Variants in CDH13 observed in about 807,000 individuals in gnomAD.
CDH13 encodes the protein cadherin 13.
In CDH13, 24 loss-of-function variants were observed where a neutral mutation model predicts 63.8. The observed-to-expected ratio is 0.38, with a 90% CI of 0.27 to 0.53. The LOEUF is 0.53. Ranked by LOEUF, CDH13 falls within the 20% of genes least tolerant of loss-of-function variation. CDH13 has a pLI of 0.85. For missense variants in CDH13, 1,049 were observed against 903.1 expected (o/e 1.16, Z -2.07); for synonymous variants, 503 against 355.3 (o/e 1.42, Z -4.67).
chr16:82,867,626 T>C (rs1279664288), intron 2 of CDH13, among the ~76,000 whole-genome samples: 2 of 152,188 alleles, frequency 1.3e-5, no homozygotes, highest in Admixed American at 6.5e-5. Context: ...GTACTTAACA[T>C]ACATGAGTCA....
intron 3 of CDH13, among the ~76,000 whole-genome samples, chr16:83,123,362 C>T (rs2035671384): frequency 6.6e-6 from 1 of 152,178 alleles, no homozygotes; most frequent in Non-Finnish European, 1.5e-5. Flanking sequence ...TCACTGCAAC[C>T]TCTGACTCTT....
At chr16:82,771,586 T>A (rs980067698) in intron 1 of CDH13, among the ~76,000 whole-genome samples, 4 of 152,170 alleles carry the variant, frequency 2.6e-5, no homozygotes, top group Non-Finnish European at 5.9e-5. Context: ...CTCGGAGAGT[T>A]TCAGTAACTT....
intron 1 of CDH13, among the ~76,000 whole-genome samples, chr16:82,678,307 A>C (rs1215931066): frequency 7.5e-6 from 1 of 133,504 alleles, no homozygotes; most frequent in Non-Finnish European, 1.6e-5. Context: ...AATGCATGGC[A>C]TACAGAAAAA....
intron 8 of CDH13, among the ~76,000 whole-genome samples, chr16:83,645,033 C>G (rs865961116): frequency 6.6e-6 from 1 of 152,200 alleles, no homozygotes; most frequent in Non-Finnish European, 1.5e-5. Context: ...TCCTTCTATG[C>G]TCACATCCAC....
intron 6 of CDH13, among the ~76,000 whole-genome samples, chr16:83,365,831 C>T (rs1388554650): frequency 6.6e-6 from 1 of 152,134 alleles, no homozygotes; most frequent in Non-Finnish European, 1.5e-5. Context: ...TGGAATTGGG[C>T]TGCATGGGAA....
At chr16:82,799,835 C>T (rs2036764172) in intron 1 of CDH13, among the ~76,000 whole-genome samples, 1 of 151,662 alleles carries the variant, frequency 6.6e-6, no homozygotes, top group Non-Finnish European at 1.5e-5. Context: ...TAATGTATGT[C>T]TCTGCCTATC....
At chr16:83,221,029 C>T (rs143172027) in intron 5 of CDH13, among the ~76,000 whole-genome samples, 4 of 152,244 alleles carry the variant, frequency 2.6e-5, no homozygotes, top group Non-Finnish European at 5.9e-5. Flanking sequence ...AAGCAAATAG[C>T]TGTTAAACAA....
chr16:83,401,295 C>A (rs902792113), intron 6 of CDH13, among the ~76,000 whole-genome samples: 1 of 150,928 alleles, frequency 6.6e-6, no homozygotes, highest in Non-Finnish European at 1.5e-5. Context: ...GCCGAGATCA[C>A]GCCATTGCAC....
chr16:83,726,028 G>A (rs1165123634), intron 10 of CDH13: 1 of 152,168 alleles, frequency 6.6e-6, no homozygotes, highest in African/African-American at 2.4e-5. Flanking sequence ...ATTTTTCTCA[G>A]CTTTTTAATG....
chr16:83,344,232 T>G (rs751351189), intron 5 of CDH13, among the ~76,000 whole-genome samples: 1 of 152,176 alleles, frequency 6.6e-6, no homozygotes, highest in Non-Finnish European at 1.5e-5. Context: ...AACAAAAAAG[T>G]TGTTTTTTTA....
intron 10 of CDH13, among the ~76,000 whole-genome samples, chr16:83,702,339 C>T (rs1355438030): frequency 6.6e-6 from 1 of 152,170 alleles, no homozygotes; most frequent in Non-Finnish European, 1.5e-5. Flanking sequence ...TTGCTCACTC[C>T]TATTACAGTC....
At chr16:83,345,521 C>G (rs189323647) in intron 6 of CDH13, among the ~76,000 whole-genome samples, 1 of 152,194 alleles carries the variant, frequency 6.6e-6, no homozygotes, top group Non-Finnish European at 1.5e-5. Flanking sequence ...TGATATCTCT[C>G]TCTGGAAATG....
intron 6 of CDH13, among the ~76,000 whole-genome samples, chr16:83,377,082 C>A (rs1254054638): frequency 6.6e-6 from 1 of 152,164 alleles, no homozygotes; most frequent in Non-Finnish European, 1.5e-5. Flanking sequence ...CCAACCCTGG[C>A]TGACCTCATG....
chr16:83,235,493 C>G (rs986582861), intron 5 of CDH13, among the ~76,000 whole-genome samples: 51 of 152,134 alleles, frequency 3.4e-4, no homozygotes, highest in Admixed American at 3.3e-3. Context: ...CCGGGCCCCA[C>G]TCCTACCCCG....
chr16:83,782,580 A>G (rs962829076), intron 12 of CDH13, among the ~76,000 whole-genome samples: 1 of 152,000 alleles, frequency 6.6e-6, no homozygotes, highest in Non-Finnish European at 1.5e-5. Flanking sequence ...TACTAAATAT[A>G]CAAAAATTAG....
chr16:83,791,172 C>A (rs1204011032), intron 13 of CDH13, among the ~76,000 whole-genome samples: 1 of 151,922 alleles, frequency 6.6e-6, no homozygotes, highest in African/African-American at 2.4e-5. Context: ...GAAAAAAAAG[C>A]CCCACCCCAT....
At chr16:83,237,151 C>T (rs964476429) in intron 5 of CDH13, among the ~76,000 whole-genome samples, 1 of 152,130 alleles carries the variant, frequency 6.6e-6, no homozygotes, top group South Asian at 2.1e-4. Flanking sequence ...TAGGAAATTG[C>T]AGCCTAAAGC....
intron 1 of CDH13, among the ~76,000 whole-genome samples, chr16:82,811,971 T>A (rs536832692): frequency 6.6e-5 from 10 of 152,132 alleles, no homozygotes; most frequent in Non-Finnish European, 1.5e-4. Context: ...TTGGGACACA[T>A]GCATTTGGAA....
intron 11 of CDH13, among the ~76,000 whole-genome samples, chr16:83,776,280 A>G (rs542885714): frequency 6.6e-6 from 1 of 152,352 alleles, no homozygotes; most frequent in Non-Finnish European, 1.5e-5. Context: ...ATTCAGAGTG[A>G]AAAAACATAA....
Sources: allele counts gnomAD v4.1 joint callset (sites outside exome capture counted in the v4.1 genomes callset), GRCh38; gene constraint gnomAD v4.1.1; transcripts MANE v1.5; gene names NCBI Gene and HGNC (gene_info 2026-07-23, HGNC 2026-07-21).